Variants in HEMK2 observed in about 807,000 individuals in gnomAD.
HEMK2 encodes the protein methyltransferase HEMK2.
chr21:28,674,593 T>G, the HEMK2 span: 1 of 152,380 alleles, frequency 6.6e-6, no homozygotes, highest in Non-Finnish European at 1.5e-5. Context: ...ATTGCCCAAC[T>G]GCATTAATTT....
chr21:28,824,086 T>A, the HEMK2 span, among the ~76,000 whole-genome samples: 1 of 152,224 alleles, frequency 6.6e-6, no homozygotes, highest in Admixed American at 6.5e-5. Context: ...TTCTCAAACC[T>A]GGCTGCACAT....
At chr21:28,762,371 C>T in the HEMK2 span, among the ~76,000 whole-genome samples, 1 of 151,988 alleles carries the variant, frequency 6.6e-6, no homozygotes, top group East Asian at 1.9e-4. Flanking sequence ...AAACCATGGT[C>T]TACATTAAAA....
At chr21:28,683,925 T>C in the HEMK2 span, among the ~76,000 whole-genome samples, 1 of 152,208 alleles carries the variant, frequency 6.6e-6, no homozygotes, top group Non-Finnish European at 1.5e-5. Context: ...TCTTTTTATC[T>C]TTTGGGATAT....
the HEMK2 span, among the ~76,000 whole-genome samples, chr21:28,832,801 C>A: frequency 2.0e-5 from 3 of 152,148 alleles, no homozygotes; most frequent in Non-Finnish European, 4.4e-5. Flanking sequence ...TGTATTGATA[C>A]GTATGTTCAA....
chr21:28,784,017 C>T, the HEMK2 span, among the ~76,000 whole-genome samples: 1 of 152,222 alleles, frequency 6.6e-6, no homozygotes, highest in African/African-American at 2.4e-5. Context: ...GGAACTGTTG[C>T]CTGCCATGCC....
chr21:28,749,919 T>C, the HEMK2 span, among the ~76,000 whole-genome samples: 3 of 152,236 alleles, frequency 2.0e-5, no homozygotes, highest in Non-Finnish European at 1.5e-5. Context: ...GCAAACTGGA[T>C]TGACATGCCA....
the HEMK2 span, among the ~76,000 whole-genome samples, chr21:28,749,315 G>A: frequency 6.6e-6 from 1 of 151,978 alleles, no homozygotes; most frequent in African/African-American, 2.4e-5. Flanking sequence ...TGTTATATGG[G>A]CCAAGCATTG....
At chr21:28,876,206 T>G in the HEMK2 span, 1 of 421,394 alleles carries the variant, frequency 2.4e-6, no homozygotes, top group Non-Finnish European at 4.2e-6. Context: ...ATAATACACA[T>G]ATTTACTTGT....
the HEMK2 span, among the ~76,000 whole-genome samples, chr21:28,795,549 C>T: frequency 6.6e-6 from 1 of 152,204 alleles, no homozygotes; most frequent in Admixed American, 6.5e-5. Flanking sequence ...CATAATAAAG[C>T]ACTCAACATG....
the HEMK2 span, among the ~76,000 whole-genome samples, chr21:28,679,629 A>C: frequency 6.6e-6 from 1 of 152,182 alleles, no homozygotes; most frequent in Non-Finnish European, 1.5e-5. Context: ...ACTTATTCCA[A>C]AATTGACCAC....
At chr21:28,578,596 C>A in the HEMK2 span, among the ~76,000 whole-genome samples, 5 of 152,142 alleles carry the variant, frequency 3.3e-5, no homozygotes, top group African/African-American at 1.2e-4. Context: ...TGAGGTGTCC[C>A]CCTGGATCCC....
At chr21:28,607,072 C>T in the HEMK2 span, among the ~76,000 whole-genome samples, 2 of 151,988 alleles carry the variant, frequency 1.3e-5, no homozygotes, top group Admixed American at 6.6e-5. Context: ...AATTGGATTA[C>T]GGGTGGAGGC....
At chr21:28,599,327 T>C in the HEMK2 span, among the ~76,000 whole-genome samples, 1 of 152,154 alleles carries the variant, frequency 6.6e-6, no homozygotes, top group South Asian at 2.1e-4. Context: ...TGGGGAGGCC[T>C]CACAATCATG....
the HEMK2 span, among the ~76,000 whole-genome samples, chr21:28,871,365 C>T: frequency 6.6e-6 from 1 of 151,984 alleles, no homozygotes; most frequent in Admixed American, 6.6e-5. Context: ...AGGAAGAGAG[C>T]GAAGAGGGAG....
the HEMK2 span, among the ~76,000 whole-genome samples, chr21:28,619,011 G>C: frequency 1.3e-5 from 2 of 152,124 alleles, no homozygotes; most frequent in African/African-American, 2.4e-5. Context: ...TAGGTCACTA[G>C]CGTAGGCCTT....
the HEMK2 span, among the ~76,000 whole-genome samples, chr21:28,645,557 G>GT: frequency 4.0e-4 from 60 of 149,082 alleles, no homozygotes; most frequent in Non-Finnish European, 4.9e-4. Flanking sequence ...CAACTTAGCT[G>GT]TTTTTTTTTT....
chr21:28,605,311 G>A, the HEMK2 span, among the ~76,000 whole-genome samples: 4 of 152,228 alleles, frequency 2.6e-5, no homozygotes, highest in Non-Finnish European at 5.9e-5. Flanking sequence ...AGAACAGATT[G>A]TTCCTCTGTG....
chr21:28,622,188 GACAA>G, the HEMK2 span, among the ~76,000 whole-genome samples: 1 of 152,052 alleles, frequency 6.6e-6, no homozygotes, highest in African/African-American at 2.4e-5. Flanking sequence ...ACCAATTACA[GACAA>G]ACAGAGAACC....
chr21:28,602,733 GT>G, the HEMK2 span, among the ~76,000 whole-genome samples: 1 of 152,180 alleles, frequency 6.6e-6, no homozygotes, highest in Non-Finnish European at 1.5e-5. Context: ...ATAGATAACA[GT>G]TTTAGCATTG....
Sources: gnomAD v4.1 joint callset for allele counts (sites outside exome capture counted in the v4.1 genomes callset) on GRCh38, gnomAD v4.1.1 for gene constraint, MANE v1.5 for transcripts, NCBI Gene and HGNC (gene_info 2026-07-23, HGNC 2026-07-21) for gene names.